The following AVPR1A variants were observed in gnomAD, a reference collection of about 807,000 sequenced individuals.
The protein encoded by AVPR1A is arginine vasopressin receptor 1A.
AVPR1A carries 31 observed loss-of-function variants against 31.5 expected under a neutral mutation model. The ratio of observed to expected loss-of-function variants is 0.99; its 90% confidence interval spans 0.74 to 1.33. AVPR1A has a LOEUF of 1.33. Among genes scored for constraint, AVPR1A ranks in the 40% most tolerant of loss-of-function variants. The probability of loss-of-function intolerance (pLI) is 0.00; values close to 1 mark genes in which losing one functional copy is unlikely to be tolerated. For missense variants in AVPR1A, 570 were observed against 575.2 expected (o/e 0.99, Z 0.09); for synonymous variants, 243 against 233.2 (o/e 1.04, Z -0.38).
rs1331495384 is a variant in AVPR1A at position 63,150,844 on chromosome 12, A to T, written c.-8T>A. On this transcript the variant is annotated 5_prime_UTR_variant, in exon 1 of 2. It removes an upstream start codon present in the reference 5' UTR. Transcript: ENST00000299178. This position sits in a 1 kb window ranked among gnomAD's most constrained non-coding sequence, Gnocchi z 4.9. The stretch of plus-strand genomic sequence containing the variant: ...ACCGGCGGAGAGACGCATGCTGTCC[A>T]TGCAGCTCCTACTCGGCCCTCTTCG... The T allele has an allele frequency of 6.4e-7, 1 of 1,564,768 alleles. No homozygotes were observed. The highest frequency in any genetic ancestry group is 2.3e-5 in the East Asian group (1 of 44,026).
Position 63,147,531 on chromosome 12 carries a change from C to G in AVPR1A, c.1085G>C (p.Ser362Thr). Residue 362 changes from serine to threonine, a missense_variant, in exon 2 of 2, where the codon AGC becomes ACC. Transcript: ENST00000299178. Reference sequence around the variant, plus strand: ...CTTCATGTTTTGGCAGCATGGGAAGCTTTGAACACAGTCTTGAAGGAGATG... The same window carrying G: ...CTTCATGTTTTGGCAGCATGGGAAGGTTTGAACACAGTCTTGAAGGAGATG... ...SGHLLQDCVQ[S>T]FPCCQNMKEK... is the part of the protein sequence containing the mutation. 1 of 1,614,086 alleles carries G rather than the reference C, an allele frequency of 6.2e-7. No individual in the cohort carries two copies. The highest frequency in any genetic ancestry group is 8.5e-7 in the Non-Finnish European group (1 of 1,180,006).
chr12:63,145,327 AGAG>A lies in AVPR1A; in HGVS notation c.*2029_*2031del, dbSNP rs775138490. ...AGAATTTCAAAAGGCAGAAGAATGA[AGAG>A]GAGTGAAGTTATCGCTTCCGGGTTC... On this transcript the variant is annotated 3_prime_UTR_variant, in exon 2 of 2. Coordinates refer to ENST00000299178, the MANE Select transcript of AVPR1A (RefSeq NM_000706.5). 9 of 452,704 alleles carry A rather than the reference AGAG, an allele frequency of 2.0e-5. No homozygotes were observed. Among genetic ancestry groups the A allele is most frequent in the Non-Finnish European group, 8.9e-6 (2 of 225,936 alleles). 28.0% of individuals were successfully genotyped at this position (452,704 alleles called of 1,614,324 possible).
At position 63,144,400 on chromosome 12, in the gene AVPR1A, G is replaced by A. The variant is rs1868342483; in HGVS notation, c.*2959C>T. On this transcript the variant is annotated 3_prime_UTR_variant, in exon 2 of 2. Transcript: ENST00000299178. ...CCAACTGATTAGTTTCTCCCTACTG[G>A]ACATTTTTTATATATCACATTCCTA... The A allele has an allele frequency of 2.0e-5, 3 of 152,052 alleles. No individual in the cohort carries two copies. The allele number at this position is 152,052 out of a possible 1,614,324, so 9.4% of individuals were successfully genotyped here. A position where few individuals can be genotyped will look rare whatever the true frequency, so the allele number is the denominator to read the frequency against.
chr12:63,146,053 C>T lies in AVPR1A; in HGVS notation c.*1306G>A, dbSNP rs577807870. 1 of 152,204 alleles carries T rather than the reference C, an allele frequency of 6.6e-6. No homozygotes were observed. Among genetic ancestry groups the T allele is most frequent in the Non-Finnish European group, 1.5e-5 (1 of 68,072 alleles). 9.4% of individuals were successfully genotyped at this position (152,204 alleles called of 1,614,324 possible). On this transcript the variant is annotated 3_prime_UTR_variant, in exon 2 of 2. Transcript: ENST00000299178. Reference sequence around the variant, plus strand: ...AAAACATCTGTGCAATTTTGGAGATCCCAAGGCTATAATAAAAGCAACTGC... The same window carrying T: ...AAAACATCTGTGCAATTTTGGAGATTCCAAGGCTATAATAAAAGCAACTGC...
chr12:63,144,318 TTAA>T lies in AVPR1A; in HGVS notation c.*3038_*3040del, dbSNP rs1203220192. 6.6e-6 allele frequency: 1 copy of T among 152,218 alleles called. No individual in the cohort carries two copies. Among genetic ancestry groups the T allele is most frequent in the Non-Finnish European group, 1.5e-5 (1 of 68,034 alleles). The allele number at this position is 152,218 out of a possible 1,614,324, so 9.4% of individuals were successfully genotyped here. A position where few individuals can be genotyped will look rare whatever the true frequency, so the allele number is the denominator to read the frequency against. On this transcript the variant is annotated 3_prime_UTR_variant, in exon 2 of 2. Coordinates refer to ENST00000299178, the MANE Select transcript of AVPR1A (RefSeq NM_000706.5). ...GCTCCAAAATTAACCCATTAAGCACTTAATAATGCACTCTAAATTGTTTATTTA... is the reference window on the plus strand; with the variant it reads ...GCTCCAAAATTAACCCATTAAGCACTTAATGCACTCTAAATTGTTTATTTA...
At position 63,148,567 on chromosome 12, in the gene AVPR1A, T is replaced by C. The variant is rs537197123; in HGVS notation, c.971-922A>G. On this transcript the variant is annotated intron_variant, in intron 1 of 1. Coordinates refer to ENST00000299178, the MANE Select transcript of AVPR1A (RefSeq NM_000706.5). ...AAATTACCAACATATCTATGCACAA[T>C]TGAAGTTTTTATTACTTGAGTGTAA... 5.5e-4 allele frequency among the ~76,000 whole-genome samples: 84 copies of C among 152,288 alleles called. 1 individual carries two copies. The South Asian group carries it at 0.016, about 30-fold the overall frequency.
In AVPR1A at chr12:63,145,189, G is replaced by A. The variant is rs1868348281; in HGVS notation, c.*2170C>T. ...ACAGTACCCTTTAAGAGACATATTT[G>A]TTATTTTTAGAAAGAAGAATTTGAA... On this transcript the variant is annotated 3_prime_UTR_variant, in exon 2 of 2. Transcript: ENST00000299178. The A allele has an allele frequency of 3.2e-6, 1 of 313,218 alleles. No homozygotes were observed. Among genetic ancestry groups the A allele is most frequent in the Non-Finnish European group, 6.3e-6 (1 of 159,500 alleles). 19.4% of individuals were successfully genotyped at this position (313,218 alleles called of 1,614,324 possible).
chr12:63,146,986 A>T lies in AVPR1A; in HGVS notation c.*373T>A, dbSNP rs1164094069. 3 of 190,754 alleles carry T rather than the reference A, an allele frequency of 1.6e-5. No homozygotes were observed. Among genetic ancestry groups the T allele is most frequent in the Non-Finnish European group, 3.3e-5 (3 of 90,948 alleles). 11.8% of individuals were successfully genotyped at this position (190,754 alleles called of 1,614,324 possible). ...TGATGATGAGCTCTCTTTGTTCAGAAATAGTGCCGCATTTTATGTGACTTT... is the reference window on the plus strand; with the variant it reads ...TGATGATGAGCTCTCTTTGTTCAGATATAGTGCCGCATTTTATGTGACTTT... On this transcript the variant is annotated 3_prime_UTR_variant, in exon 2 of 2. Transcript: ENST00000299178.
chr12:63,147,365 T>C lies in AVPR1A; in HGVS notation c.1251A>G (p.Ser417=). The C allele has an allele frequency of 6.2e-7, 1 of 1,611,696 alleles. No individual in the cohort carries two copies. Among genetic ancestry groups the C allele is most frequent in the Non-Finnish European group, 8.5e-7 (1 of 1,177,798 alleles). The change falls in exon 2 of 2, where the codon TCA becomes TCG. Residue 417 remains serine, a synonymous_variant. Transcript: ENST00000299178. ...SSKSIKFIPV[S]T ...AGTTGCATGAATGCAAGGCTCAAGTTGAAACAGGAATGAATTTGATGGACT... is the reference window on the plus strand; with the variant it reads ...AGTTGCATGAATGCAAGGCTCAAGTCGAAACAGGAATGAATTTGATGGACT...
In AVPR1A at chr12:63,150,261, G is replaced by C. The variant is rs763745233; in HGVS notation, c.576C>G (p.Ile192Met). The C allele has an allele frequency of 1.2e-6, 2 of 1,613,888 alleles. No homozygotes were observed. Among genetic ancestry groups the C allele is most frequent in the Non-Finnish European group, 1.7e-6 (2 of 1,180,040 alleles). Residue 192 changes from isoleucine (I) to methionine (M), a missense_variant, in exon 1 of 2, where the codon ATC becomes ATG. Coordinates refer to ENST00000299178, the MANE Select transcript of AVPR1A (RefSeq NM_000706.5). This position sits in a 1 kb window ranked among gnomAD's most constrained non-coding sequence, Gnocchi z 4.9. Reference sequence around the variant, plus strand: ...GGGCCTTGGTGACATTGTTCACCTCGATCATGGAGAAGACGAAGTACTGCG... The same window carrying C: ...GGGCCTTGGTGACATTGTTCACCTCCATCATGGAGAAGACGAAGTACTGCG... ...STPQYFVFSM[I>M]EVNNVTKARD...
Position 63,147,569 on chromosome 12 carries a change from C to T in AVPR1A, c.1047G>A (p.Met349Ile). Residue 349 changes from methionine to isoleucine, a missense_variant, in exon 2 of 2, where the codon ATG becomes ATA. By Grantham distance (10) the Met-to-Ile change is conservative (BLOSUM62 1). Coordinates refer to ENST00000299178, the MANE Select transcript of AVPR1A (RefSeq NM_000706.5). ...LNSCCNPWIY[M>I]FFSGHLLQDC... The stretch of plus-strand genomic sequence containing the variant: ...CTTGAAGGAGATGGCCACTAAAAAA[C>T]ATGTATATCCAGGGATTACAGCAGC... 1 of 1,614,148 alleles carries T rather than the reference C, an allele frequency of 6.2e-7. No individual in the cohort carries two copies. The highest frequency in any genetic ancestry group is 8.5e-7 in the Non-Finnish European group (1 of 1,179,992).
chr12:63,147,742 T>C lies in AVPR1A; in HGVS notation c.971-97A>G, dbSNP rs535103729. The C allele has an allele frequency of 6.5e-5, 85 of 1,306,194 alleles. No homozygotes were observed. The African/African-American group carries it at 1.1e-3, about 16-fold the overall frequency. The allele number at this position is 1,306,194 out of a possible 1,614,324, so 80.9% of individuals were successfully genotyped here. ...AATTAAGAAGGCATAAACTTCTGGATTATCATAGAAAATGAACTATTTTGT... is the reference window on the plus strand; with the variant it reads ...AATTAAGAAGGCATAAACTTCTGGACTATCATAGAAAATGAACTATTTTGT... On this transcript the variant is annotated intron_variant, in intron 1 of 1. Coordinates refer to ENST00000299178, the MANE Select transcript of AVPR1A (RefSeq NM_000706.5).
chr12:63,147,571 T>C lies in AVPR1A; in HGVS notation c.1045A>G (p.Met349Val), dbSNP rs376412201. ...LNSCCNPWIYMFFSGHLLQDC... is the reference protein window; with the variant it reads ...LNSCCNPWIYVFFSGHLLQDC... ...TGAAGGAGATGGCCACTAAAAAACA[T>C]GTATATCCAGGGATTACAGCAGCTA... Residue 349 changes from methionine to valine, a missense_variant, in exon 2 of 2, where the codon ATG becomes GTG. Met to Val is a conservative substitution (Grantham distance 21). Coordinates refer to ENST00000299178, the MANE Select transcript of AVPR1A (RefSeq NM_000706.5). 95 of 1,614,054 alleles carry C rather than the reference T, an allele frequency of 5.9e-5. No homozygotes were observed. Among genetic ancestry groups the C allele is most frequent in the Non-Finnish European group, 7.5e-5 (89 of 1,180,004 alleles).
rs1168838010 is a variant in AVPR1A at position 63,143,771 on chromosome 12, A to T, written c.*3588T>A. 1 of 152,152 alleles carries T rather than the reference A, an allele frequency of 6.6e-6. No individual in the cohort carries two copies. The highest frequency in any genetic ancestry group is 1.9e-4 in the East Asian group (1 of 5,196). The allele number at this position is 152,152 out of a possible 1,614,324, so 9.4% of individuals were successfully genotyped here. A position where few individuals can be genotyped will look rare whatever the true frequency, so the allele number is the denominator to read the frequency against. ...CCCTGTCCTGGGCTTCCTCTAAATA[A>T]AGCTATTGCCTCCAATATGAATAAC... On this transcript the variant is annotated 3_prime_UTR_variant, in exon 2 of 2. Coordinates refer to ENST00000299178, the MANE Select transcript of AVPR1A (RefSeq NM_000706.5).
In AVPR1A at chr12:63,146,906, T is replaced by C. The variant is rs1785254323; in HGVS notation, c.*453A>G. The C allele has an allele frequency of 6.0e-6, 1 of 165,984 alleles. No homozygotes were observed. The highest frequency in any genetic ancestry group is 1.5e-4 in the South Asian group (1 of 6,468). 10.3% of individuals were successfully genotyped at this position (165,984 alleles called of 1,614,324 possible). A position where few individuals can be genotyped will look rare whatever the true frequency, so the allele number is the denominator to read the frequency against. The stretch of plus-strand genomic sequence containing the variant: ...AGGCTGCATTTTCTGATGCACAAAT[T>C]AATTTTAATGGATGAAAACATAATT... On this transcript the variant is annotated 3_prime_UTR_variant, in exon 2 of 2. Transcript: ENST00000299178.
chr12:63,147,597 T>G lies in AVPR1A; in HGVS notation c.1019A>C (p.Asn340Thr). ...ITITALLGSL[N>T]SCCNPWIYMF... ...GTATATCCAGGGATTACAGCAGCTA[T>G]TCAAGGAACCCAGTAATGCAGTGAT... The change falls in exon 2 of 2, where the codon AAT becomes ACT. Residue 340 changes from asparagine (N) to threonine (T), a missense_variant. Transcript: ENST00000299178. 1.2e-6 allele frequency: 2 copies of G among 1,614,118 alleles called. No homozygotes were observed. The highest frequency in any genetic ancestry group is 1.7e-6 in the Non-Finnish European group (2 of 1,179,978).
Position 63,143,503 on chromosome 12 carries a change from C to A in AVPR1A, c.*3856G>T, listed in dbSNP as rs944326947. On this transcript the variant is annotated 3_prime_UTR_variant, in exon 2 of 2. Coordinates refer to ENST00000299178, the MANE Select transcript of AVPR1A (RefSeq NM_000706.5). ...ATCTTAAAATGTGTGTGATTCGAAC[C>A]ATTTACACTGTCTTAAGCACTCAAA... 3.3e-5 allele frequency: 5 copies of A among 152,190 alleles called. No individual in the cohort carries two copies. Among genetic ancestry groups the A allele is most frequent in the South Asian group, 2.1e-4 (1 of 4,822 alleles). The allele number at this position is 152,190 out of a possible 1,614,324, so 9.4% of individuals were successfully genotyped here. A position where few individuals can be genotyped will look rare whatever the true frequency, so the allele number is the denominator to read the frequency against.
At position 63,147,568 on chromosome 12, in the gene AVPR1A, A is replaced by C. The variant is rs761941972; in HGVS notation, c.1048T>G (p.Phe350Val). The part of the protein sequence containing the change: ...NSCCNPWIYM[F>V]FSGHLLQDCV... Reference sequence around the variant, plus strand: ...TCTTGAAGGAGATGGCCACTAAAAAACATGTATATCCAGGGATTACAGCAG... The same window carrying C: ...TCTTGAAGGAGATGGCCACTAAAAACCATGTATATCCAGGGATTACAGCAG... Residue 350 changes from phenylalanine to valine, a missense_variant, in exon 2 of 2, where the codon TTT (phenylalanine) becomes GTT (valine). By Grantham distance (50) the Phe-to-Val change is conservative (BLOSUM62 -1). Coordinates refer to ENST00000299178, the MANE Select transcript of AVPR1A (RefSeq NM_000706.5). 4.3e-6 allele frequency: 7 copies of C among 1,614,180 alleles called. No homozygotes were observed. In the Admixed American group the frequency reaches 5.0e-5, roughly 12 times the overall value.
Position 63,151,007 on chromosome 12 carries a change from C to T in AVPR1A, c.-171G>A. The T allele has an allele frequency of 1.0e-6, 1 of 1,001,636 alleles. No homozygotes were observed. Among genetic ancestry groups the T allele is most frequent in the Non-Finnish European group, 1.4e-6 (1 of 706,912 alleles). The allele number at this position is 1,001,636 out of a possible 1,614,324, so 62.0% of individuals were successfully genotyped here. On this transcript the variant is annotated 5_prime_UTR_variant, in exon 1 of 2. Transcript: ENST00000299178. ...AGTGGGCGTCTCCCGGAGCAGCGTC[C>T]CGCCTGCCCACTGAGCAGCTCTCAG...
Sources: allele counts gnomAD v4.1 joint callset (sites outside exome capture counted in the v4.1 genomes callset), GRCh38; gene constraint gnomAD v4.1.1; non-coding constraint Gnocchi (gnomAD v3.1); transcripts MANE v1.5; gene names NCBI Gene and HGNC (gene_info 2026-07-23, HGNC 2026-07-21).